The following PIK3R4 variants were observed in gnomAD, a reference collection of about 807,000 sequenced individuals.
The protein encoded by PIK3R4 is phosphoinositide 3-kinase regulatory subunit 4.
PIK3R4 carries 46 observed loss-of-function variants against 136.5 expected under a neutral mutation model. The observed-to-expected ratio is 0.34, with a 90% CI of 0.27 to 0.43. The LOEUF is 0.43. Among genes scored for constraint, PIK3R4 ranks in the 20% least tolerant of loss-of-function variants. The pLI is 1.00. For synonymous variants in PIK3R4, 557 were observed against 566.7 expected, an observed-to-expected ratio of 0.98 and a Z score of 0.24; for missense variants, 1,331 against 1,649.5, an observed-to-expected ratio of 0.81 and a Z score of 3.35.
chr3:130,684,214 A>C (rs1302319517), intron 16 of PIK3R4, 36 bp downstream of exon 16: 74 of 1,591,554 alleles, frequency 4.6e-5, no homozygotes, highest in Non-Finnish European at 6.3e-5. Context: ...TTCCAAGAAA[A>C]TCTCCCAACA....
At chr3:130,696,387 T>A (rs1234377042) in intron 13 of PIK3R4, among the ~76,000 whole-genome samples, 2 of 152,130 alleles carry the variant, frequency 1.3e-5, no homozygotes, top group Non-Finnish European at 2.9e-5. Context: ...TTTTTTAATA[T>A]AAATGTTTAC....
At chr3:130,680,880 G>A (rs996642193) in intron 18 of PIK3R4, 97 bp downstream of exon 18, 1 of 768,154 alleles carries the variant, frequency 1.3e-6, no homozygotes, top group Non-Finnish European at 2.2e-6. Flanking sequence ...ATTAACAGCT[G>A]TCCTTATAAG....
chr3:130,699,102 A>G (rs1305515759), intron 13 of PIK3R4, among the ~76,000 whole-genome samples: 1 of 152,212 alleles, frequency 6.6e-6, no homozygotes, highest in East Asian at 1.9e-4. Flanking sequence ...CTCTACACAT[A>G]CATGTGGTCT....
intron 16 of PIK3R4, among the ~76,000 whole-genome samples, chr3:130,683,700 ATTAG>A (rs999136536): frequency 3.9e-5 from 6 of 152,206 alleles, no homozygotes; most frequent in African/African-American, 1.4e-4. Flanking sequence ...TTTATCAAGC[ATTAG>A]TTGTGTGCTA....
intron 14 of PIK3R4, among the ~76,000 whole-genome samples, chr3:130,689,832 G>A (rs1374923511): frequency 6.6e-6 from 1 of 152,160 alleles, no homozygotes; most frequent in African/African-American, 2.4e-5. Flanking sequence ...GATTCTTAAA[G>A]CATAACATAT....
chr3:130,739,170 T>C (rs898832988), intron 2 of PIK3R4, among the ~76,000 whole-genome samples: 2 of 152,166 alleles, frequency 1.3e-5, no homozygotes, highest in African/African-American at 4.8e-5. Flanking sequence ...TCCGCCTCCC[T>C]GGTTCACGCC....
intron 4 of PIK3R4, 114 bp from the exon 5 acceptor site, chr3:130,730,556 A>C (rs1172136176): frequency 1.5e-6 from 1 of 684,696 alleles, no homozygotes. Context: ...TGGGAAAAAC[A>C]GAACTTTTCA....
At chr3:130,714,656 T>C (rs554960540) in intron 9 of PIK3R4, among the ~76,000 whole-genome samples, 2 of 148,790 alleles carry the variant, frequency 1.3e-5, no homozygotes, top group Non-Finnish European at 3.0e-5. Flanking sequence ...CCTATGTTCA[T>C]GTGTTCTCAC....
intron 13 of PIK3R4, among the ~76,000 whole-genome samples, chr3:130,694,268 T>A (rs1576452381): frequency 6.6e-6 from 1 of 151,934 alleles, no homozygotes; most frequent in Non-Finnish European, 1.5e-5. Flanking sequence ...GAGTCTCTTG[T>A]AATTCTTTAT....
chr3:130,690,988 C>T (rs1480194954), intron 13 of PIK3R4, among the ~76,000 whole-genome samples: 2 of 150,802 alleles, frequency 1.3e-5, no homozygotes, highest in African/African-American at 4.9e-5. Flanking sequence ...ACTGCAGCCT[C>T]GACCTCCTGG....
intron 16 of PIK3R4, among the ~76,000 whole-genome samples, chr3:130,683,442 A>C (rs1023984616): frequency 2.6e-5 from 4 of 152,226 alleles, no homozygotes; most frequent in African/African-American, 9.6e-5. Context: ...GAGCAGATCA[A>C]GAAGTAGGAG....
chr3:130,727,393 T>G (rs1264882865), intron 6 of PIK3R4, among the ~76,000 whole-genome samples: 1 of 152,044 alleles, frequency 6.6e-6, no homozygotes, highest in African/African-American at 2.4e-5. Flanking sequence ...CCGGCTGATT[T>G]TTTGTATTTT....
At position 130,686,243 on chromosome 3, in the gene PIK3R4, G is replaced by T; in HGVS notation, c.3443C>A (p.Ala1148Asp). ...GAGCCAGCATTGGTGGATGTCCACAGCAAAGGAAGTGATGAGGCCCGACTT... is the reference window on the plus strand; with the variant it reads ...GAGCCAGCATTGGTGGATGTCCACATCAAAGGAAGTGATGAGGCCCGACTT... ...DLKSGLITSF[A>D]VDIHQCWLCI... Residue 1148 changes from alanine (A) to aspartate (D), a missense_variant, in exon 15 of 20, where the codon GCT becomes GAT. Around this residue, in one of 2 missense-constraint regions of PIK3R4, gnomAD observed 1,180 missense variants for 1,407.0 expected, o/e 0.84. Transcript: ENST00000356763. 1 of 1,613,138 alleles carries T rather than the reference G, an allele frequency of 6.2e-7. No homozygotes were observed. Among genetic ancestry groups the T allele is most frequent in the Non-Finnish European group, 8.5e-7 (1 of 1,179,200 alleles).
intron 7 of PIK3R4, among the ~76,000 whole-genome samples, chr3:130,719,642 A>G (rs1326316641): frequency 2.6e-5 from 4 of 152,178 alleles, no homozygotes; most frequent in Non-Finnish European, 4.4e-5. Context: ...GTAAACCTCC[A>G]GAAAGTAGCT....
chr3:130,730,127 T>C (rs1351596664), intron 5 of PIK3R4, among the ~76,000 whole-genome samples, 181 bp downstream of exon 5: 1 of 152,172 alleles, frequency 6.6e-6, no homozygotes, highest in Non-Finnish European at 1.5e-5. Context: ...CTGATTATTT[T>C]TGAGCAAGAT....
Position 130,716,466 on chromosome 3 carries a change from C to A in PIK3R4, c.2261G>T (p.Gly754Val). 2 of 1,614,136 alleles carry A rather than the reference C, an allele frequency of 1.2e-6. No individual in the cohort carries two copies. The highest frequency in any genetic ancestry group is 1.7e-6 in the Non-Finnish European group (2 of 1,180,006). The change falls in exon 9 of 20, where the codon GGT becomes GTT. Residue 754 changes from glycine to valine, a missense_variant. Physicochemically the swap from Gly to Val is moderately radical, Grantham distance 109. Coordinates refer to ENST00000356763, the MANE Select transcript of PIK3R4 (RefSeq NM_014602.3). ...HLHMRQKKRNGSLPDCPPPED... is the reference protein window; with the variant it reads ...HLHMRQKKRNVSLPDCPPPED... ...TGGCGGAGGGCAGTCGGGAAGAGAA[C>A]CATTTCGTTTCTTCTGACGCATGTG...
In PIK3R4 at chr3:130,744,905, T is replaced by TA. The variant is rs1331797643; in HGVS notation, c.313dup (p.Tyr105LeufsTer8). ...GCGATCATAGAGATTGTCTCGCACATACTGCCTAAAGAGCATAGCTGCTTT... is the reference window on the plus strand; with the variant it reads ...GCGATCATAGAGATTGTCTCGCACATAACTGCCTAAAGAGCATAGCTGCTTT... On this transcript the variant is annotated frameshift_variant, in exon 2 of 20. Coordinates refer to ENST00000356763, the MANE Select transcript of PIK3R4 (RefSeq NM_014602.3). LOFTEE classifies it high-confidence loss of function. 6.2e-7 allele frequency: 1 copy of TA among 1,614,096 alleles called. No homozygotes were observed. Among genetic ancestry groups the TA allele is most frequent in the Non-Finnish European group, 8.5e-7 (1 of 1,180,026 alleles).
rs2066456124 is a variant in PIK3R4 at position 130,681,144 on chromosome 3, TTAACTGTCAGTA to T, written c.3709-91_3709-80del. 15 of 848,476 alleles carry T rather than the reference TTAACTGTCAGTA, an allele frequency of 1.8e-5. No individual in the cohort carries two copies. In the East Asian group the frequency reaches 3.8e-4, roughly 21 times the overall value. The allele number at this position is 848,476 out of a possible 1,614,324, so 52.6% of individuals were successfully genotyped here. A position where few individuals can be genotyped will look rare whatever the true frequency, so the allele number is the denominator to read the frequency against. ...TGATAGTGCTATTTCTAGAGGCAAG[TTAACTGTCAGTA>T]GCTTTACAAGCACCTGGTTAACTGA... is the stretch of plus-strand genomic sequence containing the variant. On this transcript the variant is annotated intron_variant, in intron 17 of 19. Coordinates refer to ENST00000356763, the MANE Select transcript of PIK3R4 (RefSeq NM_014602.3).
At chr3:130,680,950 T>C in intron 18 of PIK3R4, 27 bp downstream of exon 18, 2 of 1,150,890 alleles carry the variant, frequency 1.7e-6, no homozygotes, top group Non-Finnish European at 2.5e-6. Flanking sequence ...AAAGTATCCA[T>C]TTTATTAAAG....
Sources: allele counts gnomAD v4.1 joint callset (sites outside exome capture counted in the v4.1 genomes callset), GRCh38; gene constraint gnomAD v4.1.1; regional missense constraint gnomAD v4.1.1; transcripts MANE v1.5; gene names NCBI Gene and HGNC (gene_info 2026-07-23, HGNC 2026-07-21).